Variants in USP40 observed in about 807,000 individuals in gnomAD.
USP40 encodes the protein ubiquitin carboxyl-terminal hydrolase 40.
Under a neutral mutation model 166.2 loss-of-function variants are expected in USP40, and 143 were observed. That is an observed-to-expected ratio of 0.86 (90% CI 0.75 to 0.99). USP40 has a LOEUF of 0.99. USP40 is among the 50% of genes least tolerant of loss of function. USP40 has a pLI of 0.00. For synonymous variants in USP40, 498 were observed against 524.0 expected, an observed-to-expected ratio of 0.95 and a Z score of 0.68; for missense variants, 1,444 against 1,479.7, an observed-to-expected ratio of 0.98 and a Z score of 0.40.
Position 233,529,551 on chromosome 2 carries a change from T to C in USP40, c.1472-39A>G, listed in dbSNP as rs376485446. The stretch of plus-strand genomic sequence containing the variant: ...TTTTCATTAACTTGTGTTGGCTAAA[T>C]GAAATCTGGTTGCTGGAAGAGGTAG... On this transcript the variant is annotated intron_variant, in intron 11 of 31. Transcript: ENST00000678225. 49 of 1,500,218 alleles carry C rather than the reference T, an allele frequency of 3.3e-5. No homozygotes were observed. The African/African-American group carries it at 5.3e-4, about 16-fold the overall frequency. 92.9% of individuals were successfully genotyped at this position (1,500,218 alleles called of 1,614,324 possible).
At chr2:233,519,710 A>T (rs2067520252) in intron 17 of USP40, 39 bp from the exon 18 acceptor site, 1 of 1,160,946 alleles carries the variant, frequency 8.6e-7, no homozygotes, top group African/African-American at 1.6e-5. Flanking sequence ...AGTTGTAAAA[A>T]ATGGGAGGAG....
intron 30 of USP40, among the ~76,000 whole-genome samples, chr2:233,482,602 T>G (rs552470628): frequency 1.1e-3 from 170 of 149,984 alleles, no homozygotes; most frequent in African/African-American, 2.9e-3. Context: ...TTTGTTTTTT[T>G]TTTTTTGACA....
At chr2:233,561,159 C>T (rs375722734) in intron 3 of USP40, 4 of 1,575,040 alleles carry the variant, frequency 2.5e-6, no homozygotes, top group African/African-American at 2.7e-5. Context: ...AGATGTAATA[C>T]CTTTGCATCG....
In USP40 at chr2:233,549,153, T is replaced by A; in HGVS notation, c.914A>T (p.His305Leu). 3.7e-6 allele frequency: 6 copies of A among 1,600,012 alleles called. No individual in the cohort carries two copies. Among genetic ancestry groups the A allele is most frequent in the Non-Finnish European group, 5.1e-6 (6 of 1,171,684 alleles). Residue 305 changes from histidine to leucine, a missense_variant, in exon 8 of 32, where the codon CAT (histidine) becomes CTT (leucine). His to Leu is a moderately conservative substitution (Grantham distance 99). Coordinates refer to ENST00000678225, the MANE Select transcript of USP40 (RefSeq NM_001365479.2). ...IIHKGGCYGGHYHVYIKDVDH... is the reference protein window; with the variant it reads ...IIHKGGCYGGLYHVYIKDVDH... ...AACATCTTTAATATATACATGGTAA[T>A]GGCCTCCGTAGCAGCCACCTTTGTG...
chr2:233,529,335 T>C, intron 12 of USP40, 96 bp downstream of exon 12: 1 of 1,049,762 alleles, frequency 9.5e-7, no homozygotes, highest in Non-Finnish European at 1.3e-6. Flanking sequence ...TGACTATTTT[T>C]TTTCTTTTTA....
intron 20 of USP40, 87 bp from the exon 21 acceptor site, chr2:233,510,222 C>A: frequency 1.0e-6 from 1 of 992,186 alleles, no homozygotes; most frequent in Non-Finnish European, 1.5e-6. Flanking sequence ...AATGTAAAGC[C>A]AAGGGCCCAT....
chr2:233,494,960 A>ATATATATATATATATT (rs2065637913), intron 24 of USP40, among the ~76,000 whole-genome samples: 2 of 61,774 alleles, frequency 3.2e-5, no homozygotes, highest in African/African-American at 1.8e-4. Flanking sequence ...ATATATTTAT[A>ATATATATATATATATT]TATATATATA....
At chr2:233,538,790 G>C (rs565260491) in intron 10 of USP40, among the ~76,000 whole-genome samples, 82 of 152,304 alleles carry the variant, frequency 5.4e-4, no homozygotes, top group African/African-American at 1.8e-3. Context: ...GCCAAGGTGG[G>C]AGGATCTCTT....
intron 22 of USP40, among the ~76,000 whole-genome samples, chr2:233,499,307 G>C (rs752848511): frequency 2.0e-5 from 3 of 151,992 alleles, no homozygotes; most frequent in African/African-American, 4.8e-5. Flanking sequence ...ATGACTTCCA[G>C]CTCCATCCAT....
At chr2:233,527,242 A>G (rs1422132288) in intron 13 of USP40, among the ~76,000 whole-genome samples, 165 bp downstream of exon 13, 1 of 152,228 alleles carries the variant, frequency 6.6e-6, no homozygotes, top group Non-Finnish European at 1.5e-5. Context: ...CCTCTCTAAA[A>G]GACTTAGGAG....
At chr2:233,560,959 G>C in intron 3 of USP40, 1 of 719,030 alleles carries the variant, frequency 1.4e-6, no homozygotes, top group South Asian at 1.5e-5. Context: ...AGCAGTAGCA[G>C]TATTGTACTT....
chr2:233,502,681 C>T (rs2066157133), intron 21 of USP40, among the ~76,000 whole-genome samples: 1 of 152,096 alleles, frequency 6.6e-6, no homozygotes, highest in Non-Finnish European at 1.5e-5. Context: ...CACAAACCAG[C>T]ATCCTTTCCT....
In USP40 at chr2:233,559,930, T is replaced by G. The variant is rs1346873236; in HGVS notation, c.268-6A>C. ...TGTAAAGGGATGATTCGAACCTGAATGAGAAACAAACACATTTCTAAATGA... is the reference window on the plus strand; with the variant it reads ...TGTAAAGGGATGATTCGAACCTGAAGGAGAAACAAACACATTTCTAAATGA... On this transcript the variant is annotated splice_polypyrimidine_tract_variant and splice_region_variant and intron_variant, in intron 3 of 31. Coordinates refer to ENST00000678225, the MANE Select transcript of USP40 (RefSeq NM_001365479.2). 1 of 1,588,602 alleles carries G rather than the reference T, an allele frequency of 6.3e-7. No individual in the cohort carries two copies. The highest frequency in any genetic ancestry group is 8.6e-7 in the Non-Finnish European group (1 of 1,165,690).
chr2:233,554,790 T>C (rs1440208749), intron 5 of USP40, among the ~76,000 whole-genome samples: 1 of 152,196 alleles, frequency 6.6e-6, no homozygotes, highest in Admixed American at 6.5e-5. Flanking sequence ...AAATCTGTTT[T>C]ATGAGGAAAT....
intron 25 of USP40, chr2:233,492,573 C>G (rs1271888681): frequency 6.6e-6 from 1 of 152,164 alleles, no homozygotes; most frequent in Non-Finnish European, 1.5e-5. Context: ...TGTAACCCAA[C>G]TAAAAAGTAA....
intron 21 of USP40, 102 bp downstream of exon 21, chr2:233,509,947 C>G: frequency 1.2e-6 from 1 of 845,080 alleles, no homozygotes; most frequent in East Asian, 2.7e-5. Context: ...CCATATCAGG[C>G]CTAGTTTAGG....
In USP40 at chr2:233,518,524, G is replaced by A. The variant is rs185489150; in HGVS notation, c.2383+1090C>T. On this transcript the variant is annotated intron_variant, in intron 18 of 31. Transcript: ENST00000678225. ...GGAGGTTGCAGTGAGCGGAGATCGT[G>A]TCACTGCACTCCAGCCTGGCTGACA... Among the ~76,000 whole-genome samples the A allele has an allele frequency of 2.5e-4, 36 of 143,822 alleles. No homozygotes were observed. In the East Asian group the frequency reaches 4.6e-3, roughly 18 times the overall value. The allele number at this position is 143,822 out of a possible 152,430, so 94.4% of individuals were successfully genotyped here. A position where few individuals can be genotyped will look rare whatever the true frequency, so the allele number is the denominator to read the frequency against.
chr2:233,553,617 T>C (rs1404998807), intron 6 of USP40, among the ~76,000 whole-genome samples: 1 of 152,004 alleles, frequency 6.6e-6, no homozygotes, highest in Non-Finnish European at 1.5e-5. Flanking sequence ...ACCAGGGAGG[T>C]GTTCCACTAA....
chr2:233,561,084 C>A (rs964513659), intron 3 of USP40: 1 of 1,439,636 alleles, frequency 6.9e-7, no homozygotes, highest in Non-Finnish European at 9.5e-7. Context: ...GCTTTGTGAA[C>A]AAGCCACTTA....
Sources: allele counts gnomAD v4.1 joint callset (sites outside exome capture counted in the v4.1 genomes callset), GRCh38; gene constraint gnomAD v4.1.1; transcripts MANE v1.5; gene names NCBI Gene and HGNC (gene_info 2026-07-23, HGNC 2026-07-21).